Variants in ADAM12 observed in about 807,000 individuals in gnomAD.
ADAM12 encodes the protein ADAM metallopeptidase domain 12.
ADAM12 carries 70 observed loss-of-function variants against 106.4 expected under a neutral mutation model. The observed-to-expected ratio is 0.66, with a 90% CI of 0.54 to 0.80. The LOEUF (loss-of-function observed/expected upper bound fraction) is 0.80. Among genes scored for constraint, ADAM12 ranks in the 30% least tolerant of loss-of-function variants. ADAM12 has a pLI of 0.00. For synonymous variants in ADAM12, 420 were observed against 433.5 expected, an observed-to-expected ratio of 0.97 and a Z score of 0.39; for missense variants, 1,010 against 1,171.9, an observed-to-expected ratio of 0.86 and a Z score of 2.02.
rs1373437727 is a variant in ADAM12 at position 126,155,256 on chromosome 10, T to G, written c.310A>C (p.Thr104Pro). The G allele has an allele frequency of 6.2e-7, 1 of 1,614,196 alleles. No individual in the cohort carries two copies. The highest frequency in any genetic ancestry group is 1.7e-5 in the Admixed American group (1 of 60,026). Residue 104 changes from threonine to proline, a missense_variant, in exon 4 of 23, where the codon ACT becomes CCT. Physicochemically the swap from Thr to Pro is conservative, Grantham distance 38. This residue lies in a region of ADAM12 where 391 missense variants were observed against 442.9 expected (regional missense o/e 0.88). Coordinates refer to ENST00000448723, the MANE Select transcript of ADAM12 (RefSeq NM_001288973.2). ...FTETHYLQDG[T>P]DVSLARNYTG... ...TAATTTCGAGCGAGGGAGACATCAG[T>G]ACCGTCTTGCAGATAGTGGGTTTCC...
intron 3 of ADAM12, among the ~76,000 whole-genome samples, chr10:126,190,674 G>A (rs985278641): frequency 1.6e-4 from 24 of 152,244 alleles, no homozygotes; most frequent in African/African-American, 5.1e-4. Flanking sequence ...CTATGAAAGC[G>A]ACAAACACAC....
chr10:126,113,885 G>A (rs890792967), intron 6 of ADAM12, among the ~76,000 whole-genome samples: 3 of 150,890 alleles, frequency 2.0e-5, no homozygotes, highest in Non-Finnish European at 4.4e-5. Flanking sequence ...CAAGCCAGCT[G>A]TGCTATCACC....
At chr10:126,083,049 G>A (rs58491301) in intron 11 of ADAM12, among the ~76,000 whole-genome samples, 1,825 of 152,330 alleles carry the variant, frequency 0.012, 36 homozygotes, top group African/African-American at 0.04. Context: ...GCAGGTGACC[G>A]GCCTCATGTT....
chr10:126,117,170 T>C (rs1324514852), intron 6 of ADAM12, among the ~76,000 whole-genome samples: 1 of 152,228 alleles, frequency 6.6e-6, no homozygotes, highest in Admixed American at 6.5e-5. Flanking sequence ...AGCCAAATGT[T>C]GGGAACGATT....
chr10:126,264,749 G>A (rs1055625388), intron 3 of ADAM12, among the ~76,000 whole-genome samples: 1 of 151,728 alleles, frequency 6.6e-6, no homozygotes, highest in African/African-American at 2.4e-5. Flanking sequence ...TTTTTAACTT[G>A]CCATTGCCAT....
At chr10:126,306,887 A>G (rs1960868474) in intron 2 of ADAM12, among the ~76,000 whole-genome samples, 1 of 152,214 alleles carries the variant, frequency 6.6e-6, no homozygotes, top group Non-Finnish European at 1.5e-5. Context: ...GTTTGAAATT[A>G]TAATTAACTA....
rs533825151 is a variant in ADAM12 at position 126,316,561 on chromosome 10, A to G, written c.186+13851T>C. Among the ~76,000 whole-genome samples, 9 of 152,222 alleles carry G rather than the reference A, an allele frequency of 5.9e-5. No individual in the cohort carries two copies. The East Asian group carries it at 1.7e-3, about 29-fold the overall frequency. ...ACCTGATGAGGTGTTCAAGGTGGAA[A>G]AATTAAAGAAATTGGTTGGGCACGG... On this transcript the variant is annotated intron_variant, in intron 2 of 22. Transcript: ENST00000448723.
In ADAM12 at chr10:126,049,136, T is replaced by A. The variant is rs1266070125; in HGVS notation, c.1917+117A>T. ...TTATTGACTTTTTCTTCTAGGTGCA[T>A]CTGAGAAGAAGTAGATTTAGGAAAA... On this transcript the variant is annotated intron_variant, in intron 16 of 22. Coordinates refer to ENST00000448723, the MANE Select transcript of ADAM12 (RefSeq NM_001288973.2). The surrounding 1 kb of genome is among the most constrained non-coding windows in gnomAD (Gnocchi z 4.4). 2 of 1,305,864 alleles carry A rather than the reference T, an allele frequency of 1.5e-6. No individual in the cohort carries two copies. The highest frequency in any genetic ancestry group is 2.2e-6 in the Non-Finnish European group (2 of 927,814). 80.9% of individuals were successfully genotyped at this position (1,305,864 alleles called of 1,614,324 possible). A position where few individuals can be genotyped will look rare whatever the true frequency, so the allele number is the denominator to read the frequency against.
intron 1 of ADAM12, among the ~76,000 whole-genome samples, chr10:126,364,721 C>G (rs1855853110): frequency 6.6e-6 from 1 of 151,806 alleles, no homozygotes; most frequent in Admixed American, 6.6e-5. Context: ...ACAAAGTGAC[C>G]AAAGGATATG....
chr10:126,202,499 TTCTCTCTCTC>T (rs139026512), intron 3 of ADAM12, among the ~76,000 whole-genome samples: 1 of 149,546 alleles, frequency 6.7e-6, no homozygotes, highest in East Asian at 2.0e-4. Context: ...GCTCTACTAC[TTCTCTCTCTC>T]TCTCTCTCTC....
At chr10:126,306,918 A>C (rs1194167083) in intron 2 of ADAM12, among the ~76,000 whole-genome samples, 1 of 152,176 alleles carries the variant, frequency 6.6e-6, no homozygotes, top group East Asian at 1.9e-4. Flanking sequence ...CTTTTGAAAA[A>C]TTCTCAGCCA....
At chr10:126,051,536 C>CCCATCCAT (rs61278142) in intron 14 of ADAM12, among the ~76,000 whole-genome samples, 2,053 of 118,904 alleles carry the variant, frequency 0.017, 35 homozygotes, top group Middle Eastern at 0.032. Flanking sequence ...CAGCCAGCCA[C>CCCATCCAT]CCATCCATCC....
At chr10:126,378,611 T>C (rs1856379550) in intron 1 of ADAM12, among the ~76,000 whole-genome samples, 1 of 152,166 alleles carries the variant, frequency 6.6e-6, no homozygotes, top group Non-Finnish European at 1.5e-5. Flanking sequence ...AACTTCACAG[T>C]AGTATAGCCT....
chr10:126,092,905 A>G (rs1955492288), intron 11 of ADAM12, among the ~76,000 whole-genome samples: 1 of 152,202 alleles, frequency 6.6e-6, no homozygotes, highest in Admixed American at 6.5e-5. Context: ...GGAGGCCCAC[A>G]AGGCTATTGC....
rs745525302 is a variant in ADAM12, at chr10:126,066,947, C to T, written c.1324-141G>A. 9.2e-5 allele frequency: 71 copies of T among 769,448 alleles called. No individual in the cohort carries two copies. Among genetic ancestry groups the T allele is most frequent in the Non-Finnish European group, 1.4e-4 (64 of 465,318 alleles). 47.7% of individuals were successfully genotyped at this position (769,448 alleles called of 1,614,324 possible). ...CCTGAACTGCACACCTGCCTGTTTCCGTCTGTTAGGAAAGCAAAGCTTCTG... is the reference window on the plus strand; with the variant it reads ...CCTGAACTGCACACCTGCCTGTTTCTGTCTGTTAGGAAAGCAAAGCTTCTG... On this transcript the variant is annotated intron_variant, in intron 12 of 22. Coordinates refer to ENST00000448723, the MANE Select transcript of ADAM12 (RefSeq NM_001288973.2). This position sits in a 1 kb window ranked among gnomAD's most constrained non-coding sequence, Gnocchi z 5.1.
chr10:126,303,770 T>C (rs891585183), intron 2 of ADAM12, among the ~76,000 whole-genome samples: 1 of 152,176 alleles, frequency 6.6e-6, no homozygotes, highest in East Asian at 1.9e-4. Context: ...CCTTAATTCA[T>C]TGTAAGGTGA....
intron 3 of ADAM12, among the ~76,000 whole-genome samples, chr10:126,237,207 C>A (rs1033457617): frequency 6.6e-6 from 1 of 152,112 alleles, no homozygotes; most frequent in African/African-American, 2.4e-5. Context: ...GATACGTAAC[C>A]CCTTATTTTA....
chr10:126,302,426 T>G (rs1352380677), intron 2 of ADAM12, among the ~76,000 whole-genome samples: 1 of 152,226 alleles, frequency 6.6e-6, no homozygotes, highest in Non-Finnish European at 1.5e-5. Flanking sequence ...TGGTCTTTTA[T>G]TATACGATAC....
intron 4 of ADAM12, among the ~76,000 whole-genome samples, chr10:126,148,646 G>C (rs1296816196): frequency 6.6e-6 from 1 of 152,150 alleles, no homozygotes; most frequent in African/African-American, 2.4e-5. Context: ...CTGGAGATTT[G>C]GGGGTGCCAA....
Sources: allele counts gnomAD v4.1 joint callset (sites outside exome capture counted in the v4.1 genomes callset), GRCh38; gene constraint gnomAD v4.1.1; regional missense constraint gnomAD v4.1.1; non-coding constraint Gnocchi (gnomAD v3.1); transcripts MANE v1.5; gene names NCBI Gene and HGNC (gene_info 2026-07-23, HGNC 2026-07-21).